ITPR3: variants seen among roughly 807,000 people sequenced by gnomAD.
ITPR3 encodes the protein inositol 1,4,5-trisphosphate-gated calcium channel ITPR3.
Under a neutral mutation model 293.2 loss-of-function variants are expected in ITPR3, and 173 were observed. The ratio of observed to expected loss-of-function variants is 0.59; its 90% CI spans 0.52 to 0.67. ITPR3 has a LOEUF of 0.67. ITPR3 is among the 30% of genes least tolerant of loss of function. ITPR3 has a pLI of 0.00. For missense variants in ITPR3, 2,796 were observed against 3,592.1 expected (o/e 0.78, Z 5.66); for synonymous variants, 1,295 against 1,444.4 (o/e 0.90, Z 2.35).
chr6:33,688,367 G>C lies in ITPR3; in HGVS notation c.6504G>C (p.Val2168=), dbSNP rs1765294643. ...AGCAGGACGAGCAGGGCAGCAAAGT[G>C]AGCGACTTCTTCGACCAGTCCTCCT... ...TTEQDEQGSK[V]SDFFDQSSFL... The change falls in exon 48 of 58, where the codon GTG becomes GTC. Residue 2168 remains valine (V), a synonymous_variant. Transcript: ENST00000605930. 3 of 1,608,196 alleles carry C rather than the reference G, an allele frequency of 1.9e-6. No homozygotes were observed. The highest frequency in any genetic ancestry group is 1.7e-6 in the Non-Finnish European group (2 of 1,176,612).
chr6:33,629,432 G>A (rs1046619024), intron 1 of ITPR3, among the ~76,000 whole-genome samples: 2 of 133,726 alleles, frequency 1.5e-5, no homozygotes, highest in African/African-American at 5.7e-5. Flanking sequence ...AAAGTGCTGG[G>A]ATTACAGCCA....
At position 33,668,458 on chromosome 6, in the gene ITPR3, C is replaced by T. The variant is rs535507884; in HGVS notation, c.1887-57C>T. The T allele has an allele frequency of 7.0e-5, 112 of 1,611,488 alleles. 2 individuals carry two copies. The East Asian group carries it at 2.5e-3, about 36-fold the overall frequency. ...GGGGAAGGGGAAGGGTGGGCTCTGT[C>T]CTTAGAGGGACCAGCCTCTGAGACC... is the stretch of plus-strand genomic sequence containing the variant. On this transcript the variant is annotated intron_variant, in intron 16 of 57. Transcript: ENST00000605930.
At chr6:33,669,718 G>T (rs1168865292) in intron 18 of ITPR3, among the ~76,000 whole-genome samples, 1 of 152,220 alleles carries the variant, frequency 6.6e-6, no homozygotes, top group African/African-American at 2.4e-5. Context: ...GACAACCCTT[G>T]TTGTAGCTAC....
In ITPR3 at chr6:33,666,761, A is replaced by G. The variant is rs1356321981; in HGVS notation, c.1552-368A>G. Among the ~76,000 whole-genome samples, 1 of 152,174 alleles carries G rather than the reference A, an allele frequency of 6.6e-6. No homozygotes were observed. The highest frequency in any genetic ancestry group is 1.9e-4 in the East Asian group (1 of 5,200). On this transcript the variant is annotated intron_variant, in intron 14 of 57. Transcript: ENST00000605930. The surrounding 1 kb of genome is among the most constrained non-coding windows in gnomAD (Gnocchi z 5.1). The stretch of plus-strand genomic sequence containing the variant: ...TAATTATGTAACATTTTACTTTGAC[A>G]AGGCAGGCCTGTGTCTCATCTCTTA...
At chr6:33,689,133 C>T in intron 49 of ITPR3, 105 bp from the exon 50 acceptor site, 1 of 1,343,852 alleles carries the variant, frequency 7.4e-7, no homozygotes, top group Non-Finnish European at 1.0e-6. Context: ...AGGAACTTAA[C>T]CGGGAAGGCG....
At position 33,666,624 on chromosome 6, in the gene ITPR3, CGAG is replaced by C. The variant is rs1172768141; in HGVS notation, c.1552-502_1552-500del. On this transcript the variant is annotated intron_variant, in intron 14 of 57. Transcript: ENST00000605930. The surrounding 1 kb of genome is among the most constrained non-coding windows in gnomAD (Gnocchi z 5.1). Reference sequence around the variant, plus strand: ...AAGTTTGTTTTTTTTTTTTTAGAAACGAGGATCCAATTAAGGTTTTTTCATTCC... The same window carrying C: ...AAGTTTGTTTTTTTTTTTTTAGAAACGATCCAATTAAGGTTTTTTCATTCC... Among the ~76,000 whole-genome samples, 1 of 147,910 alleles carries C rather than the reference CGAG, an allele frequency of 6.8e-6. No individual in the cohort carries two copies. The highest frequency in any genetic ancestry group is 1.5e-5 in the Non-Finnish European group (1 of 67,434).
chr6:33,625,511 G>A (rs1450719551), intron 1 of ITPR3, among the ~76,000 whole-genome samples: 1 of 152,168 alleles, frequency 6.6e-6, no homozygotes, highest in Non-Finnish European at 1.5e-5. Context: ...TTACAGCCGC[G>A]AGCCACTGTG....
At position 33,684,933 on chromosome 6, in the gene ITPR3, C is replaced by G; in HGVS notation, c.5297C>G (p.Thr1766Arg). The change falls in exon 39 of 58, where the codon ACA (threonine) becomes AGA (arginine). Residue 1766 changes from threonine (T) to arginine (R), a missense_variant. By Grantham distance (71) the Thr-to-Arg change is moderately conservative. Transcript: ENST00000605930. The surrounding 1 kb of genome is among the most constrained non-coding windows in gnomAD (Gnocchi z 4.2). ...ATCCACCTGCTGGATGGTGGCAACA[C>G]AGAGATCCAGGTGTGGGGGGCCTGG... ...LAIHLLDGGN[T>R]EIQKSFHNLM... 2 of 1,611,000 alleles carry G rather than the reference C, an allele frequency of 1.2e-6. No individual in the cohort carries two copies. The highest frequency in any genetic ancestry group is 1.7e-6 in the Non-Finnish European group (2 of 1,178,194).
rs780627174 is a variant in ITPR3 at position 33,689,452 on chromosome 6, C to T, written c.6867+42C>T. 6 of 1,595,988 alleles carry T rather than the reference C, an allele frequency of 3.8e-6. No homozygotes were observed. In the Admixed American group the frequency reaches 6.7e-5, roughly 18 times the overall value. ...GCCCCCATTCCCAAACAAGCTCATGCTCACTGTGCATTCAGACGGCAAGCT... is the reference window on the plus strand; with the variant it reads ...GCCCCCATTCCCAAACAAGCTCATGTTCACTGTGCATTCAGACGGCAAGCT... On this transcript the variant is annotated intron_variant, in intron 50 of 57. Coordinates refer to ENST00000605930, the MANE Select transcript of ITPR3 (RefSeq NM_002224.4).
At chr6:33,681,588 A>G (rs1043977137) in intron 33 of ITPR3, among the ~76,000 whole-genome samples, 1 of 152,148 alleles carries the variant, frequency 6.6e-6, no homozygotes, top group African/African-American at 2.4e-5. Context: ...TCCCTTAAGG[A>G]AGGGCCCTGC....
intron 3 of ITPR3, among the ~76,000 whole-genome samples, chr6:33,657,024 G>C (rs940064381): frequency 1.3e-5 from 2 of 152,240 alleles, no homozygotes; most frequent in Non-Finnish European, 2.9e-5. Context: ...TCTGGCCTGG[G>C]GGGAGGGCAT....
In ITPR3 at chr6:33,690,016, CCT is replaced by C. The variant is rs1765347407; in HGVS notation, c.6868-17_6868-16del. ...AGGTGGTAGGGTGCTGACTCTCATG[CCT>C]TGCACTCGCCCCCAGCTGACCAACA... On this transcript the variant is annotated splice_polypyrimidine_tract_variant and intron_variant, in intron 50 of 57. Coordinates refer to ENST00000605930, the MANE Select transcript of ITPR3 (RefSeq NM_002224.4). The C allele has an allele frequency of 6.2e-7, 1 of 1,613,866 alleles. No individual in the cohort carries two copies. Among genetic ancestry groups the C allele is most frequent in the East Asian group, 2.2e-5 (1 of 44,894 alleles).
rs1763879620 is a variant in ITPR3 at position 33,638,710 on chromosome 6, G to A, written c.90-1774G>A. 6.6e-6 allele frequency among the ~76,000 whole-genome samples: 1 copy of A among 152,236 alleles called. No homozygotes were observed. The highest frequency in any genetic ancestry group is 6.5e-5 in the Admixed American group (1 of 15,280). ...ATCATTAACACTTTGCATTGTGCAA[G>A]GTGTTAATCATTACAAAGAAAACAC... On this transcript the variant is annotated intron_variant, in intron 1 of 57. Coordinates refer to ENST00000605930, the MANE Select transcript of ITPR3 (RefSeq NM_002224.4). This position sits in a 1 kb window ranked among gnomAD's most constrained non-coding sequence, Gnocchi z 4.3.
chr6:33,691,962 GC>G lies in ITPR3; in HGVS notation c.7458+37del. On this transcript the variant is annotated intron_variant, in intron 54 of 57. Coordinates refer to ENST00000605930, the MANE Select transcript of ITPR3 (RefSeq NM_002224.4). This position sits in a 1 kb window ranked among gnomAD's most constrained non-coding sequence, Gnocchi z 4.9. ...TCCTGCCCACTCCCAAACCTGTGGG[GC>G]CCAAGCCACTGTCCAGATCAGCAAC... 1.2e-6 allele frequency: 2 copies of G among 1,611,964 alleles called. No individual in the cohort carries two copies. The highest frequency in any genetic ancestry group is 8.5e-7 in the Non-Finnish European group (1 of 1,179,830).
chr6:33,671,698 C>T (rs959168743), intron 21 of ITPR3, among the ~76,000 whole-genome samples: 1 of 152,220 alleles, frequency 6.6e-6, no homozygotes, highest in Non-Finnish European at 1.5e-5. Flanking sequence ...TGCCTAGAGC[C>T]TGGCACTGGT....
intron 7 of ITPR3, among the ~76,000 whole-genome samples, chr6:33,661,635 T>G (rs1764469865): frequency 6.6e-6 from 1 of 152,198 alleles, no homozygotes; most frequent in African/African-American, 2.4e-5. Context: ...TATTCCCATT[T>G]TACAGAAGAG....
chr6:33,667,972 C>G lies in ITPR3; in HGVS notation c.1886+8C>G. On this transcript the variant is annotated splice_region_variant and intron_variant, in intron 16 of 57. Transcript: ENST00000605930. This position sits in a 1 kb window ranked among gnomAD's most constrained non-coding sequence, Gnocchi z 4.4. ...CAAGAACCGGGAGCCCAGGTGGGCC[C>G]GAACCCCCTCCCCGGCCGGCGCCTG... 6.2e-7 allele frequency: 1 copy of G among 1,613,702 alleles called. No individual in the cohort carries two copies. The highest frequency in any genetic ancestry group is 8.5e-7 in the Non-Finnish European group (1 of 1,179,802).
chr6:33,666,009 G>T lies in ITPR3; in HGVS notation c.1551+33G>T, dbSNP rs1003870570. ...TGCACCCATGAGGGGACGCAGAGGG[G>T]CCGGGTGCCCGGGAGAGGGATGCCT... On this transcript the variant is annotated intron_variant, in intron 14 of 57. Coordinates refer to ENST00000605930, the MANE Select transcript of ITPR3 (RefSeq NM_002224.4). This position sits in a 1 kb window ranked among gnomAD's most constrained non-coding sequence, Gnocchi z 5.1. 32 of 1,559,016 alleles carry T rather than the reference G, an allele frequency of 2.1e-5. No individual in the cohort carries two copies. The highest frequency in any genetic ancestry group is 2.6e-5 in the Non-Finnish European group (30 of 1,148,842).
At position 33,665,227 on chromosome 6, in the gene ITPR3, G is replaced by A. The variant is rs369125992; in HGVS notation, c.1409+14G>A. The A allele has an allele frequency of 6.2e-7, 1 of 1,608,646 alleles. No homozygotes were observed. The highest frequency in any genetic ancestry group is 8.5e-7 in the Non-Finnish European group (1 of 1,175,944). On this transcript the variant is annotated intron_variant, in intron 13 of 57. Coordinates refer to ENST00000605930, the MANE Select transcript of ITPR3 (RefSeq NM_002224.4). ...GAATGACCGCAGGTGGGCTGCAGTGGCACAGGGGTTTTCTGAGTGATCTTG... is the reference window on the plus strand; with the variant it reads ...GAATGACCGCAGGTGGGCTGCAGTGACACAGGGGTTTTCTGAGTGATCTTG...
Sources: allele counts gnomAD v4.1 joint callset (sites outside exome capture counted in the v4.1 genomes callset), GRCh38; gene constraint gnomAD v4.1.1; non-coding constraint Gnocchi (gnomAD v3.1); transcripts MANE v1.5; gene names NCBI Gene and HGNC (gene_info 2026-07-23, HGNC 2026-07-21).